The following BCAS3 variants were observed in gnomAD, a reference collection of about 807,000 sequenced individuals.
The protein encoded by BCAS3 is BCAS3 microtubule associated cell migration factor.
BCAS3 carries 53 observed loss-of-function variants against 116.1 expected under a neutral mutation model. The observed-to-expected ratio is 0.46, with a 90% CI of 0.37 to 0.57. The LOEUF (loss-of-function observed/expected upper bound fraction) is 0.57. Ranked by LOEUF, BCAS3 falls within the 20% of genes least tolerant of loss-of-function variation. BCAS3 has a pLI of 0.00. For missense variants in BCAS3, 917 were observed against 1,165.4 expected, an observed-to-expected ratio of 0.79 and a Z score of 3.10; for synonymous variants, 391 against 408.2, an observed-to-expected ratio of 0.96 and a Z score of 0.51.
chr17:61,137,015 A>T (rs542827653), intron 22 of BCAS3, among the ~76,000 whole-genome samples: 155 of 150,638 alleles, frequency 1.0e-3, no homozygotes, highest in Middle Eastern at 3.4e-3. Context: ...AAACTTTTTT[A>T]AAAAAAGTAT....
intron 22 of BCAS3, among the ~76,000 whole-genome samples, chr17:61,240,267 A>G (rs924915660): frequency 6.6e-6 from 1 of 152,228 alleles, no homozygotes; most frequent in Non-Finnish European, 1.5e-5. Flanking sequence ...AAAACAGCCT[A>G]AGAGAAGATA....
rs796745787 is a variant in BCAS3 at position 61,309,724 on chromosome 17, C to A, written c.2426-58603C>A. ...AGATGACCCAGGGTCTTTGGGATTGCGGAACAGCTGCTGTGGAAAAGTAGT... is the reference window on the plus strand; with the variant it reads ...AGATGACCCAGGGTCTTTGGGATTGAGGAACAGCTGCTGTGGAAAAGTAGT... On this transcript the variant is annotated intron_variant, in intron 22 of 23. Coordinates refer to ENST00000407086, the MANE Select transcript of BCAS3 (RefSeq NM_017679.5). This position sits in a 1 kb window ranked among gnomAD's most constrained non-coding sequence, Gnocchi z 4.6. Among the ~76,000 whole-genome samples, 1 of 152,034 alleles carries A rather than the reference C, an allele frequency of 6.6e-6. No individual in the cohort carries two copies. Among genetic ancestry groups the A allele is most frequent in the South Asian group, 2.1e-4 (1 of 4,826 alleles).
chr17:60,788,378 T>C (rs1031966560), intron 6 of BCAS3, among the ~76,000 whole-genome samples: 3 of 152,166 alleles, frequency 2.0e-5, no homozygotes, highest in Non-Finnish European at 4.4e-5. Context: ...TAAGGTCTGA[T>C]GAGTCTAATC....
At chr17:60,808,929 G>GC (rs2048531707) in intron 7 of BCAS3, among the ~76,000 whole-genome samples, 1 of 152,128 alleles carries the variant, frequency 6.6e-6, no homozygotes, top group African/African-American at 2.4e-5. Context: ...GAGAAGGACT[G>GC]CCAGGGTAGG....
At chr17:61,148,692 A>C (rs1601584604) in intron 22 of BCAS3, among the ~76,000 whole-genome samples, 1 of 152,274 alleles carries the variant, frequency 6.6e-6, no homozygotes, top group African/African-American at 2.4e-5. Flanking sequence ...AGGTATAATT[A>C]TTTGTATTTG....
chr17:60,965,964 A>C (rs1052857176), intron 14 of BCAS3, among the ~76,000 whole-genome samples: 1 of 152,164 alleles, frequency 6.6e-6, no homozygotes, highest in African/African-American at 2.4e-5. Context: ...ATTGCAGTCT[A>C]TCTCTGTTTT....
chr17:60,754,970 A>G (rs1306665038), intron 6 of BCAS3, among the ~76,000 whole-genome samples: 1 of 152,186 alleles, frequency 6.6e-6, no homozygotes, highest in African/African-American at 2.4e-5. Context: ...AGGTCTTACT[A>G]CTTGTGATCA....
At chr17:61,303,523 G>A (rs1243451899) in intron 22 of BCAS3, among the ~76,000 whole-genome samples, 1 of 152,306 alleles carries the variant, frequency 6.6e-6, no homozygotes, top group East Asian at 1.9e-4. Flanking sequence ...ATTACCACCT[G>A]TTGTTCATTG....
At chr17:60,729,378 T>A (rs1284006135) in intron 5 of BCAS3, among the ~76,000 whole-genome samples, 3 of 151,656 alleles carry the variant, frequency 2.0e-5, no homozygotes, top group Non-Finnish European at 4.4e-5. Flanking sequence ...GTGGCATATG[T>A]TTAACTATTA....
chr17:60,799,473 C>G (rs2047504502), intron 6 of BCAS3, among the ~76,000 whole-genome samples: 1 of 148,856 alleles, frequency 6.7e-6, no homozygotes, highest in Non-Finnish European at 1.5e-5. Context: ...TCATTCAAGA[C>G]TGTTACATAG....
chr17:60,937,344 G>T (rs1211860440), intron 13 of BCAS3, among the ~76,000 whole-genome samples: 1 of 150,976 alleles, frequency 6.6e-6, no homozygotes, highest in African/African-American at 2.4e-5. Flanking sequence ...TTTCTAACTG[G>T]TCTGTTAAAC....
chr17:61,188,919 A>G lies in BCAS3; in HGVS notation c.2425+104355A>G, dbSNP rs1008860329. On this transcript the variant is annotated intron_variant, in intron 22 of 23. Transcript: ENST00000407086. This position sits in a 1 kb window ranked among gnomAD's most constrained non-coding sequence, Gnocchi z 4.0. Reference sequence around the variant, plus strand: ...GGAGGTTGAGACCAGTCTGAGCAACATAGTGAGACCTCATCTCTATAAAAC... The same window carrying G: ...GGAGGTTGAGACCAGTCTGAGCAACGTAGTGAGACCTCATCTCTATAAAAC... 6.6e-6 allele frequency among the ~76,000 whole-genome samples: 1 copy of G among 152,124 alleles called. No homozygotes were observed. Among genetic ancestry groups the G allele is most frequent in the African/African-American group, 2.4e-5 (1 of 41,428 alleles).
intron 22 of BCAS3, among the ~76,000 whole-genome samples, chr17:61,093,272 C>T (rs1805930679): frequency 6.6e-6 from 1 of 152,100 alleles, no homozygotes; most frequent in South Asian, 2.1e-4. Context: ...ACATTTAGGA[C>T]TATGATCCTT....
At chr17:60,912,238 G>A (rs1194619503) in intron 12 of BCAS3, among the ~76,000 whole-genome samples, 1 of 152,000 alleles carries the variant, frequency 6.6e-6, no homozygotes, top group Non-Finnish European at 1.5e-5. Flanking sequence ...CAGTATTGGT[G>A]AAATAAAATT....
intron 22 of BCAS3, among the ~76,000 whole-genome samples, chr17:61,303,058 A>G (rs1330787983): frequency 2.0e-5 from 3 of 152,206 alleles, no homozygotes; most frequent in African/African-American, 7.2e-5. Context: ...GGCCTGTCCG[A>G]CAACAGGACC....
At chr17:60,763,066 A>G (rs1409805374) in intron 6 of BCAS3, among the ~76,000 whole-genome samples, 1 of 152,160 alleles carries the variant, frequency 6.6e-6, no homozygotes, top group Non-Finnish European at 1.5e-5. Context: ...ACTTTGCTGA[A>G]GTTGCTTATC....
Position 61,017,444 on chromosome 17 carries a change from A to G in BCAS3, c.1637+1543A>G, listed in dbSNP as rs1255242443. ...AGCCTGTCTTTTCTGAATCTAAGTGAAACCATCCTCAAAATTGTTTCTCTG... is the reference window on the plus strand; with the variant it reads ...AGCCTGTCTTTTCTGAATCTAAGTGGAACCATCCTCAAAATTGTTTCTCTG... On this transcript the variant is annotated intron_variant, in intron 16 of 23. Coordinates refer to ENST00000407086, the MANE Select transcript of BCAS3 (RefSeq NM_017679.5). The surrounding 1 kb of genome is among the most constrained non-coding windows in gnomAD (Gnocchi z 4.7). Among the ~76,000 whole-genome samples the G allele has an allele frequency of 1.3e-5, 2 of 152,156 alleles. No individual in the cohort carries two copies. The highest frequency in any genetic ancestry group is 2.9e-5 in the Non-Finnish European group (2 of 68,002).
intron 22 of BCAS3, among the ~76,000 whole-genome samples, chr17:61,267,919 A>T (rs1012800789): frequency 2.0e-5 from 3 of 152,014 alleles, no homozygotes; most frequent in African/African-American, 7.2e-5. Flanking sequence ...CTTCGTGTGT[A>T]CAAAGCTCAC....
chr17:61,372,676 C>G (rs2059111321), intron 23 of BCAS3, among the ~76,000 whole-genome samples: 1 of 152,260 alleles, frequency 6.6e-6, no homozygotes, highest in East Asian at 1.9e-4. Context: ...CAGAGGGTCC[C>G]CGAGCATACG....
Sources: gnomAD v4.1 joint callset for allele counts (sites outside exome capture counted in the v4.1 genomes callset) on GRCh38, gnomAD v4.1.1 for gene constraint, Gnocchi (gnomAD v3.1) non-coding constraint, MANE v1.5 for transcripts, NCBI Gene and HGNC (gene_info 2026-07-23, HGNC 2026-07-21) for gene names.